The following DYNC2H1 variants were observed in gnomAD, a reference collection of about 807,000 sequenced individuals.
The protein encoded by DYNC2H1 is dynein cytoplasmic 2 heavy chain 1.
Under a neutral mutation model 570.0 loss-of-function variants are expected in DYNC2H1, and 410 were observed. That is an observed-to-expected ratio of 0.72 (90% CI 0.66 to 0.78). DYNC2H1 has a LOEUF of 0.78. DYNC2H1 is among the 30% of genes least tolerant of loss of function. The pLI is 0.00. For synonymous variants in DYNC2H1, 1,688 were observed against 1,677.6 expected (o/e 1.01, Z -0.15); for missense variants, 4,865 against 5,046.4 (o/e 0.96, Z 1.09).
chr11:103,235,227 A>G (rs1864176088), intron 61 of DYNC2H1, among the ~76,000 whole-genome samples: 1 of 151,762 alleles, frequency 6.6e-6, no homozygotes, highest in Admixed American at 6.6e-5. Flanking sequence ...AATTAGCTCT[A>G]TCTCTCTTCT....
chr11:103,312,797 G>C (rs555902642), intron 79 of DYNC2H1, among the ~76,000 whole-genome samples: 4 of 152,036 alleles, frequency 2.6e-5, no homozygotes, highest in Non-Finnish European at 5.9e-5. Flanking sequence ...TTGCCTAGAC[G>C]TCTCAAACTT....
rs184910011 is a variant in DYNC2H1, at chr11:103,204,875, T to C, written c.8365T>C (p.Phe2789Leu). 499 of 1,591,152 alleles carry C rather than the reference T, an allele frequency of 3.1e-4. No individual in the cohort carries two copies. The highest frequency in any genetic ancestry group is 3.9e-4 in the Non-Finnish European group (452 of 1,167,514). ...VLIMDSANSN[F>L]MINCESNPAL... ...GATAATGGATTCTGCAAATTCAAAC[T>C]TCATGATAAACTGTGAGAGTAATCC... The change falls in exon 52 of 89, where the codon TTC becomes CTC. Residue 2789 changes from phenylalanine to leucine, a missense_variant. This residue lies in a region of DYNC2H1 where 2,401 missense variants were observed against 2,454.6 expected (regional missense o/e 0.98). Transcript: ENST00000375735. This position sits in a 1 kb window ranked among gnomAD's most constrained non-coding sequence, Gnocchi z 4.1.
chr11:103,358,360 G>T lies in DYNC2H1; in HGVS notation c.12156+1G>T, dbSNP rs794727944. 1.9e-6 allele frequency: 3 copies of T among 1,541,038 alleles called. No homozygotes were observed. The highest frequency in any genetic ancestry group is 2.3e-5 in the East Asian group (1 of 42,576). ...CAATCTCTGGAAGAAACTAAACCAG[G>T]TTAGTAGTGGAATATTCTTCTGATT... is the stretch of plus-strand genomic sequence containing the variant. On this transcript the variant is annotated splice_donor_variant, in intron 83 of 88. Coordinates refer to ENST00000375735, the MANE Select transcript of DYNC2H1 (RefSeq NM_001377.3). LOFTEE classifies it high-confidence loss of function.
In DYNC2H1 at chr11:103,222,159, T is replaced by G. The variant is rs1235066375; in HGVS notation, c.9231+6T>G. The G allele has an allele frequency of 4.0e-6, 6 of 1,516,782 alleles. No individual in the cohort carries two copies. The highest frequency in any genetic ancestry group is 4.5e-6 in the Non-Finnish European group (5 of 1,118,110). The allele number at this position is 1,516,782 out of a possible 1,614,324, so 94.0% of individuals were successfully genotyped here. A position where few individuals can be genotyped will look rare whatever the true frequency, so the allele number is the denominator to read the frequency against. On this transcript the variant is annotated splice_donor_region_variant and intron_variant, in intron 58 of 88. Coordinates refer to ENST00000375735, the MANE Select transcript of DYNC2H1 (RefSeq NM_001377.3). ...AAGGCTCTTTTGATCCAAAGGTAAT[T>G]TTTAAGTTATACTATAAATTTGTTT...
At chr11:103,128,555 A>G (rs1323135452) in intron 12 of DYNC2H1, among the ~76,000 whole-genome samples, 1 of 150,802 alleles carries the variant, frequency 6.6e-6, no homozygotes, top group Non-Finnish European at 1.5e-5. Context: ...TACTGAAAAA[A>G]GAAGGAGCAG....
Position 103,153,496 on chromosome 11 carries a change from G to T in DYNC2H1, c.3290G>T (p.Arg1097Ile). 6.4e-7 allele frequency: 1 copy of T among 1,554,302 alleles called. No individual in the cohort carries two copies. Among genetic ancestry groups the T allele is most frequent in the South Asian group, 1.3e-5 (1 of 79,292 alleles). The part of the protein sequence containing the change: ...KIEFDDLEVT[R>I]KKLVDDCHHF... ...GAGTTTGATGATCTTGAAGTCACAA[G>T]AAAAAAGCTGGTGTATGTTTTTTCT... Residue 1097 changes from arginine (R) to isoleucine (I), a missense_variant, in exon 22 of 89, where the codon AGA becomes ATA. Physicochemically the swap from Arg to Ile is moderately conservative, Grantham distance 97. Coordinates refer to ENST00000375735, the MANE Select transcript of DYNC2H1 (RefSeq NM_001377.3).
At position 103,153,493 on chromosome 11, in the gene DYNC2H1, C is replaced by G; in HGVS notation, c.3287C>G (p.Thr1096Arg). ...ATTGAGTTTGATGATCTTGAAGTCA[C>G]AAGAAAAAAGCTGGTGTATGTTTTT... is the stretch of plus-strand genomic sequence containing the variant. ...KKIEFDDLEVTRKKLVDDCHH... is the reference protein window; with the variant it reads ...KKIEFDDLEVRRKKLVDDCHH... The change falls in exon 22 of 89, where the codon ACA (threonine) becomes AGA (arginine). Residue 1096 changes from threonine to arginine, a missense_variant. Thr to Arg is a moderately conservative substitution (Grantham distance 71). This residue lies in a region of DYNC2H1 where 1,936 missense variants were observed against 1,962.1 expected (regional missense o/e 0.99). Transcript: ENST00000375735. 6.4e-7 allele frequency: 1 copy of G among 1,554,778 alleles called. No homozygotes were observed. Among genetic ancestry groups the G allele is most frequent in the Non-Finnish European group, 8.7e-7 (1 of 1,154,012 alleles).
chr11:103,369,275 C>G lies in DYNC2H1; in HGVS notation c.12156+10916C>G, dbSNP rs935556003. ...GAAGGATAATTTAAACCAGCCCTAA[C>G]CAGAGAGGATTCCCAGATGCTGGCG... On this transcript the variant is annotated intron_variant, in intron 83 of 88. Coordinates refer to ENST00000375735, the MANE Select transcript of DYNC2H1 (RefSeq NM_001377.3). This position sits in a 1 kb window ranked among gnomAD's most constrained non-coding sequence, Gnocchi z 4.0. Among the ~76,000 whole-genome samples the G allele has an allele frequency of 6.6e-6, 1 of 152,170 alleles. No individual in the cohort carries two copies. Among genetic ancestry groups the G allele is most frequent in the Non-Finnish European group, 1.5e-5 (1 of 68,034 alleles).
At chr11:103,417,385 G>A (rs1346073630) in intron 84 of DYNC2H1, among the ~76,000 whole-genome samples, 1 of 152,108 alleles carries the variant, frequency 6.6e-6, no homozygotes, top group Non-Finnish European at 1.5e-5. Context: ...ACAGGCGTGA[G>A]CCATCACACC....
At chr11:103,200,209 C>A in intron 50 of DYNC2H1, 55 bp downstream of exon 50, 1 of 1,301,400 alleles carries the variant, frequency 7.7e-7, no homozygotes, top group Non-Finnish European at 1.1e-6. Context: ...AAAAATTATC[C>A]AAGTAAAATT....
chr11:103,393,561 A>T (rs893382512), intron 83 of DYNC2H1, among the ~76,000 whole-genome samples: 9 of 152,182 alleles, frequency 5.9e-5, no homozygotes, highest in African/African-American at 2.2e-4. Context: ...GCAAAATCAC[A>T]ATTACTTTTG....
intron 83 of DYNC2H1, among the ~76,000 whole-genome samples, chr11:103,380,955 G>T (rs1941620164): frequency 6.6e-6 from 1 of 152,188 alleles, no homozygotes; most frequent in Admixed American, 6.5e-5. Flanking sequence ...GTTGCCGATA[G>T]AACTAGGTTG....
intron 78 of DYNC2H1, 81 bp downstream of exon 78, chr11:103,307,912 A>G (rs1867372936): frequency 1.5e-6 from 1 of 686,868 alleles, no homozygotes. Context: ...GTAAACAACT[A>G]TTATACAGAA....
chr11:103,253,621 G>A (rs1313779221), intron 66 of DYNC2H1, among the ~76,000 whole-genome samples, 173 bp downstream of exon 66: 1 of 152,118 alleles, frequency 6.6e-6, no homozygotes, highest in African/African-American at 2.4e-5. Context: ...TTTATCATAT[G>A]TATTAGACCT....
rs1865283022 is a variant in DYNC2H1 at position 103,261,495 on chromosome 11, G to A, written c.10695+1518G>A. On this transcript the variant is annotated intron_variant, in intron 70 of 88. Transcript: ENST00000375735. This position sits in a 1 kb window ranked among gnomAD's most constrained non-coding sequence, Gnocchi z 4.8. ...CCCCTCTAGGACGAAGCTTCCAGAG[G>A]AAAGAACAGGCAGCAATCTTTGCTG... Among the ~76,000 whole-genome samples, 1 of 152,192 alleles carries A rather than the reference G, an allele frequency of 6.6e-6. No individual in the cohort carries two copies. Among genetic ancestry groups the A allele is most frequent in the Non-Finnish European group, 1.5e-5 (1 of 68,036 alleles).
rs1864406023 is a variant in DYNC2H1, at chr11:103,241,054, T to G, written c.9820-2639T>G. The stretch of plus-strand genomic sequence containing the variant: ...AAATGTTTTTCTTTCTTCACTTCTT[T>G]GCCTAGCTGATCTCTCTTGTCTTAG... On this transcript the variant is annotated intron_variant, in intron 63 of 88. Transcript: ENST00000375735. This position sits in a 1 kb window ranked among gnomAD's most constrained non-coding sequence, Gnocchi z 5.1. Among the ~76,000 whole-genome samples the G allele has an allele frequency of 6.6e-6, 1 of 152,214 alleles. No homozygotes were observed. The highest frequency in any genetic ancestry group is 1.5e-5 in the Non-Finnish European group (1 of 68,028).
chr11:103,336,991 T>C (rs1939169462), intron 82 of DYNC2H1, among the ~76,000 whole-genome samples: 1 of 152,138 alleles, frequency 6.6e-6, no homozygotes, highest in Non-Finnish European at 1.5e-5. Flanking sequence ...TGTGACATGT[T>C]CGTGATGGCC....
At chr11:103,135,118 A>C (rs1859471393) in intron 15 of DYNC2H1, among the ~76,000 whole-genome samples, 1 of 152,132 alleles carries the variant, frequency 6.6e-6, no homozygotes, top group Non-Finnish European at 1.5e-5. Flanking sequence ...TTATGTAAGA[A>C]GTGGGAAGGG....
chr11:103,453,317 T>C (rs1281090581), intron 85 of DYNC2H1, among the ~76,000 whole-genome samples: 1 of 138,050 alleles, frequency 7.2e-6, no homozygotes, highest in Non-Finnish European at 1.6e-5. Flanking sequence ...TTAAAGATAA[T>C]GCTACTTCTT....
Sources: allele counts gnomAD v4.1 joint callset (sites outside exome capture counted in the v4.1 genomes callset), GRCh38; gene constraint gnomAD v4.1.1; regional missense constraint gnomAD v4.1.1; non-coding constraint Gnocchi (gnomAD v3.1); transcripts MANE v1.5; gene names NCBI Gene and HGNC (gene_info 2026-07-23, HGNC 2026-07-21).